The following FSTL4 variants were observed in gnomAD, a reference collection of about 807,000 sequenced individuals.
FSTL4 encodes the protein follistatin like 4.
Under a neutral mutation model 78.2 loss-of-function variants are expected in FSTL4, and 28 were observed. That is an observed-to-expected ratio of 0.36 (90% CI 0.27 to 0.49). The LOEUF is 0.49. Ranked by LOEUF, FSTL4 falls within the 20% of genes least tolerant of loss-of-function variation. FSTL4 has a pLI of 0.98. For missense variants in FSTL4, 922 were observed against 1,084.9 expected, an observed-to-expected ratio of 0.85 and a Z score of 2.11; for synonymous variants, 422 against 440.5, an observed-to-expected ratio of 0.96 and a Z score of 0.53.
the FSTL4 span, among the ~76,000 whole-genome samples, chr5:133,824,359 C>T: frequency 1.3e-5 from 2 of 152,344 alleles, no homozygotes; most frequent in East Asian, 1.9e-4. Context: ...GCTTTACTTA[C>T]ATTTACCAGT....
intron 6 of FSTL4, among the ~76,000 whole-genome samples, chr5:133,297,107 G>A (rs1040275931): frequency 6.6e-6 from 1 of 152,118 alleles, no homozygotes; most frequent in Non-Finnish European, 1.5e-5. Context: ...CTCTACAGGA[G>A]AAAAAAGGAC....
chr5:133,429,231 C>A (rs1432287086), intron 3 of FSTL4, among the ~76,000 whole-genome samples: 1 of 152,150 alleles, frequency 6.6e-6, no homozygotes, highest in African/African-American at 2.4e-5. Flanking sequence ...GGAGCTGCCC[C>A]CTTCATCTTT....
the FSTL4 span, among the ~76,000 whole-genome samples, chr5:133,742,303 C>T: frequency 6.6e-6 from 1 of 152,178 alleles, no homozygotes; most frequent in Non-Finnish European, 1.5e-5. Flanking sequence ...TCTCATGCCC[C>T]CAAACCCCAG....
At chr5:133,825,832 C>T in the FSTL4 span, among the ~76,000 whole-genome samples, 12 of 152,342 alleles carry the variant, frequency 7.9e-5, no homozygotes, top group African/African-American at 1.4e-4. Context: ...GTCAGAGCTG[C>T]GGAGAAGCAA....
intron 4 of FSTL4, among the ~76,000 whole-genome samples, chr5:133,319,704 G>A (rs1008948216): frequency 2.0e-5 from 3 of 152,168 alleles, no homozygotes; most frequent in African/African-American, 2.4e-5. Flanking sequence ...AACTTCCTTC[G>A]TCATTTCTTC....
chr5:133,492,251 C>A (rs888020187), intron 3 of FSTL4, among the ~76,000 whole-genome samples: 2 of 152,152 alleles, frequency 1.3e-5, no homozygotes, highest in Non-Finnish European at 2.9e-5. Context: ...CCAAATTAGT[C>A]ATTTTATTAT....
chr5:133,527,465 G>A (rs1045033298), intron 3 of FSTL4, among the ~76,000 whole-genome samples: 12 of 134,078 alleles, frequency 9.0e-5, no homozygotes, highest in Non-Finnish European at 1.8e-4. Context: ...TCTGAGATGT[G>A]CACGTGTACA....
chr5:133,298,190 G>A (rs940532937), intron 6 of FSTL4, among the ~76,000 whole-genome samples: 2 of 152,210 alleles, frequency 1.3e-5, no homozygotes, highest in African/African-American at 4.8e-5. Context: ...ATAGATTGCT[G>A]CAAGGATTAA....
At chr5:133,748,029 T>C in the FSTL4 span, among the ~76,000 whole-genome samples, 2 of 152,100 alleles carry the variant, frequency 1.3e-5, no homozygotes, top group South Asian at 4.2e-4. Context: ...ACCCTGTCTC[T>C]ACTAAAATAC....
chr5:133,342,519 C>T, intron 4 of FSTL4, among the ~76,000 whole-genome samples: 1 of 152,182 alleles, frequency 6.6e-6, no homozygotes, highest in Non-Finnish European at 1.5e-5. Flanking sequence ...TACCCCAACA[C>T]CTGATGAAGG....
At chr5:133,725,355 G>T in the FSTL4 span, among the ~76,000 whole-genome samples, 1 of 152,188 alleles carries the variant, frequency 6.6e-6, no homozygotes, top group East Asian at 1.9e-4. Flanking sequence ...GGTTAGTTCC[G>T]TGCAGTGATG....
At chr5:133,255,436 CT>C (rs1281864155) in intron 6 of FSTL4, among the ~76,000 whole-genome samples, 3 of 152,214 alleles carry the variant, frequency 2.0e-5, no homozygotes, top group African/African-American at 7.2e-5. Flanking sequence ...TGATATCCCC[CT>C]GGGATGAAAA....
At chr5:133,526,073 G>T (rs1182227716) in intron 3 of FSTL4, among the ~76,000 whole-genome samples, 1 of 152,130 alleles carries the variant, frequency 6.6e-6, no homozygotes, top group Admixed American at 6.5e-5. Flanking sequence ...AGGAAAGCAC[G>T]ACTTTAACAG....
chr5:133,816,301 C>G, the FSTL4 span, among the ~76,000 whole-genome samples: 1 of 152,200 alleles, frequency 6.6e-6, no homozygotes, highest in African/African-American at 2.4e-5. Flanking sequence ...CCAGGACCAC[C>G]TGGGAAAAGG....
chr5:133,648,409 G>C, the FSTL4 span, among the ~76,000 whole-genome samples: 2 of 152,196 alleles, frequency 1.3e-5, no homozygotes, highest in African/African-American at 4.8e-5. Flanking sequence ...GGTATCCCTT[G>C]ACTACACTTG....
chr5:133,751,406 C>T, the FSTL4 span, among the ~76,000 whole-genome samples: 1 of 152,222 alleles, frequency 6.6e-6, no homozygotes, highest in Non-Finnish European at 1.5e-5. Context: ...AACTTCCCAT[C>T]TTGTAAATAT....
intron 3 of FSTL4, among the ~76,000 whole-genome samples, chr5:133,540,720 C>CAAAAAAAAAAAAAAAAAAAAAAAA (rs79162509): frequency 1.1e-4 from 8 of 70,266 alleles, no homozygotes; most frequent in Admixed American, 3.3e-4. Context: ...TTAACATAGG[C>CAAAAAAAAAAAAAAAAAAAAAAAA]AAAAAAAAAA....
intron 6 of FSTL4, among the ~76,000 whole-genome samples, chr5:133,265,608 A>C (rs958698287): frequency 5.3e-5 from 8 of 152,196 alleles, no homozygotes; most frequent in Non-Finnish European, 8.8e-5. Flanking sequence ...ACGTTTGAAA[A>C]AGTATCCTTT....
the FSTL4 span, among the ~76,000 whole-genome samples, chr5:133,676,753 A>G: frequency 6.6e-6 from 1 of 152,246 alleles, no homozygotes; most frequent in Non-Finnish European, 1.5e-5. Context: ...CCTGAAAATT[A>G]AATTGTGAAT....
Sources: allele counts gnomAD v4.1 joint callset (sites outside exome capture counted in the v4.1 genomes callset), GRCh38; gene constraint gnomAD v4.1.1; transcripts MANE v1.5; gene names NCBI Gene and HGNC (gene_info 2026-07-23, HGNC 2026-07-21).